Variants in G3BP2 observed in about 807,000 individuals in gnomAD.
G3BP2 encodes ras GTPase-activating protein-binding protein 2.
G3BP2 carries 11 observed loss-of-function variants against 56.7 expected under a neutral mutation model. The observed-to-expected ratio is 0.19, with a 90% CI of 0.12 to 0.32. The LOEUF (loss-of-function observed/expected upper bound fraction) is 0.32. Ranked by LOEUF, G3BP2 falls within the 10% of genes least tolerant of loss-of-function variation. The pLI, the probability that G3BP2 is intolerant of heterozygous loss-of-function variation, is 1.00. For missense variants in G3BP2, 340 were observed against 610.9 expected (o/e 0.56, Z 4.67); for synonymous variants, 165 against 191.6 (o/e 0.86, Z 1.15).
intron 3 of G3BP2, among the ~76,000 whole-genome samples, chr4:75,717,025 C>T (rs747285251): frequency 7.2e-5 from 11 of 152,224 alleles, no homozygotes; most frequent in Non-Finnish European, 1.5e-4. Flanking sequence ...TCCCAAACCA[C>T]CTGCCTATGC....
At chr4:75,723,520 A>T (rs1300339805) in intron 1 of G3BP2, among the ~76,000 whole-genome samples, 1 of 152,262 alleles carries the variant, frequency 6.6e-6, no homozygotes, top group Non-Finnish European at 1.5e-5. Context: ...TTCTATAAAT[A>T]GAAATGATAG....
At chr4:75,661,272 G>A (rs1051198600) in intron 2 of G3BP2, among the ~76,000 whole-genome samples, 1 of 152,038 alleles carries the variant, frequency 6.6e-6, no homozygotes, top group African/African-American at 2.4e-5. Context: ...ACAACTACAG[G>A]CGCCTGCCAC....
chr4:75,708,852 T>G (rs1719646844), intron 3 of G3BP2, among the ~76,000 whole-genome samples: 1 of 152,206 alleles, frequency 6.6e-6, no homozygotes, highest in Non-Finnish European at 1.5e-5. Context: ...GGCTCATGCC[T>G]GTAATCCCAG....
At chr4:75,706,331 G>A (rs1004194188) in intron 3 of G3BP2, among the ~76,000 whole-genome samples, 4 of 152,092 alleles carry the variant, frequency 2.6e-5, no homozygotes, top group African/African-American at 7.2e-5. Flanking sequence ...CTCCCGCCTT[G>A]GCCTCCCAAA....
intron 1 of G3BP2, among the ~76,000 whole-genome samples, chr4:75,668,212 A>ACAT (rs1027014675): frequency 2.6e-5 from 4 of 152,254 alleles, no homozygotes; most frequent in African/African-American, 9.6e-5. Context: ...AAAGAAAGTC[A>ACAT]CATTGAGCTT....
chr4:75,723,309 A>C (rs1720252907), intron 1 of G3BP2, among the ~76,000 whole-genome samples: 1 of 152,196 alleles, frequency 6.6e-6, no homozygotes, highest in Non-Finnish European at 1.5e-5. Context: ...GGATTTTAAG[A>C]GGAATGACAT....
chr4:75,655,568 T>A (rs1051196007), intron 6 of G3BP2, among the ~76,000 whole-genome samples, 200 bp downstream of exon 6: 2 of 152,250 alleles, frequency 1.3e-5, no homozygotes, highest in African/African-American at 4.8e-5. Context: ...GGAACCACTG[T>A]TTTGGTGCAA....
In G3BP2 at chr4:75,659,152, G is replaced by A. The variant is rs181185230; in HGVS notation, c.96-228C>T. Among the ~76,000 whole-genome samples, 426 of 152,292 alleles carry A rather than the reference G, an allele frequency of 2.8e-3. 1 individual carries two copies. The highest frequency in any genetic ancestry group is 9.9e-3 in the African/African-American group (411 of 41,568). On this transcript the variant is annotated intron_variant, in intron 2 of 11. Transcript: ENST00000359707. The stretch of plus-strand genomic sequence containing the variant: ...AAGGATTAAATGACTAATGCACATA[G>A]AATGCTTAGTTTATCTGGCACAGTA...
intron 3 of G3BP2, among the ~76,000 whole-genome samples, chr4:75,707,623 C>G (rs553110114): frequency 9.9e-4 from 133 of 134,252 alleles, no homozygotes; most frequent in African/African-American, 3.4e-3. Context: ...AAAAAAAAGA[C>G]AATTATCAGT....
chr4:75,723,309 AG>A (rs1720253219), intron 1 of G3BP2, among the ~76,000 whole-genome samples: 1 of 152,196 alleles, frequency 6.6e-6, no homozygotes, highest in South Asian at 2.1e-4. Flanking sequence ...GGATTTTAAG[AG>A]GAATGACATG....
intron 3 of G3BP2, among the ~76,000 whole-genome samples, chr4:75,694,494 T>G (rs1014801671): frequency 7.2e-5 from 11 of 152,128 alleles, no homozygotes; most frequent in Admixed American, 4.6e-4. Context: ...GTCCCAGCTG[T>G]GCGGAAAGCT....
At chr4:75,709,385 A>G (rs1719668275) in intron 3 of G3BP2, among the ~76,000 whole-genome samples, 1 of 124,642 alleles carries the variant, frequency 8.0e-6, no homozygotes, top group African/African-American at 3.1e-5. Flanking sequence ...GCACCACCAC[A>G]CTCCAGCCTG....
At chr4:75,685,904 T>C (rs921461628) in intron 3 of G3BP2, among the ~76,000 whole-genome samples, 2 of 152,026 alleles carry the variant, frequency 1.3e-5, no homozygotes, top group African/African-American at 2.4e-5. Context: ...CTTTGAAAAT[T>C]AGAAGAAAAA....
At chr4:75,670,462 G>GT (rs1733399897) in intron 1 of G3BP2, 1 of 152,156 alleles carries the variant, frequency 6.6e-6, no homozygotes, top group Non-Finnish European at 1.5e-5. Context: ...AATAATAAAA[G>GT]TAAGTTATGG....
intron 11 of G3BP2, 140 bp downstream of exon 11, chr4:75,646,198 C>G (rs1333289624): frequency 1.7e-6 from 1 of 577,490 alleles, no homozygotes; most frequent in Non-Finnish European, 3.1e-6. Flanking sequence ...ACTAACAAAT[C>G]TTTATTCTTT....
chr4:75,666,956 C>A (rs370198658), intron 1 of G3BP2, among the ~76,000 whole-genome samples: 15 of 152,078 alleles, frequency 9.9e-5, no homozygotes, highest in East Asian at 5.8e-4. Flanking sequence ...GAGAAGAAAT[C>A]CCCGGTCAAG....
chr4:75,674,718 A>ATATATATATATTTT (rs1241041465), upstream of G3BP2, among the ~76,000 whole-genome samples: 2 of 71,432 alleles, frequency 2.8e-5, no homozygotes, highest in African/African-American at 1.2e-4. Context: ...ATATATATAT[A>ATATATATATATTTT]TTTTTTTTTT....
intron 3 of G3BP2, among the ~76,000 whole-genome samples, chr4:75,714,005 A>G (rs1719844777): frequency 6.6e-6 from 1 of 152,220 alleles, no homozygotes; most frequent in Admixed American, 6.5e-5. Context: ...ACACAGAAAG[A>G]TGGAGTAACT....
chr4:75,676,580 T>G (rs1319767096), upstream of G3BP2, among the ~76,000 whole-genome samples: 2 of 152,320 alleles, frequency 1.3e-5, no homozygotes, highest in East Asian at 3.9e-4. Context: ...TGACCTCAAG[T>G]GATCCACCCA....
Sources: allele counts gnomAD v4.1 joint callset (sites outside exome capture counted in the v4.1 genomes callset), GRCh38; gene constraint gnomAD v4.1.1; transcripts MANE v1.5; gene names NCBI Gene and HGNC (gene_info 2026-07-23, HGNC 2026-07-21).